The following COL23A1 variants were observed in gnomAD, a reference collection of about 807,000 sequenced individuals.
COL23A1 encodes collagen type XXIII alpha 1 chain.
A neutral mutation model predicts 99.3 loss-of-function variants in COL23A1; 97 were observed. The ratio of observed to expected loss-of-function variants is 0.98; its 90% CI spans 0.83 to 1.16. COL23A1 has a LOEUF of 1.16. COL23A1 is among the 50% of genes most tolerant of loss of function. The pLI, the probability that COL23A1 is intolerant of heterozygous loss-of-function variation, is 0.00. For synonymous variants in COL23A1, 320 were observed against 308.2 expected (o/e 1.04, Z -0.40); for missense variants, 762 against 757.4 (o/e 1.01, Z -0.07).
At chr5:178,517,564 T>TG (rs894658948) in intron 2 of COL23A1, among the ~76,000 whole-genome samples, 6 of 114,638 alleles carry the variant, frequency 5.2e-5, no homozygotes, top group Non-Finnish European at 7.5e-5. Flanking sequence ...GCAGTTTTTT[T>TG]TTTGTTTTTT....
At chr5:178,358,389 GTATGTGTA>G (rs1366915404) in intron 2 of COL23A1, among the ~76,000 whole-genome samples, 6 of 138,164 alleles carry the variant, frequency 4.3e-5, no homozygotes, top group African/African-American at 1.6e-4. Flanking sequence ...TCTAATGTGT[GTATGTGTA>G]TGTGTATGTG....
intron 2 of COL23A1, among the ~76,000 whole-genome samples, chr5:178,324,900 A>G (rs1197488747): frequency 6.6e-6 from 1 of 151,846 alleles, no homozygotes; most frequent in Non-Finnish European, 1.5e-5. Context: ...GTTCCTGCCC[A>G]CCCCTCCAGA....
intron 2 of COL23A1, among the ~76,000 whole-genome samples, chr5:178,351,743 G>A (rs939649398): frequency 2.6e-5 from 4 of 152,048 alleles, no homozygotes; most frequent in Non-Finnish European, 5.9e-5. Flanking sequence ...GGGACTAATT[G>A]TGCCCCCCCA....
intron 1 of COL23A1, among the ~76,000 whole-genome samples, chr5:178,570,440 G>C (rs1326966711): frequency 6.6e-6 from 1 of 151,854 alleles, no homozygotes; most frequent in African/African-American, 2.4e-5. Context: ...AATGTACTGT[G>C]GTTATGTACA....
chr5:178,441,985 C>T (rs887739313), intron 2 of COL23A1, among the ~76,000 whole-genome samples: 1 of 152,120 alleles, frequency 6.6e-6, no homozygotes, highest in African/African-American at 2.4e-5. Flanking sequence ...AGTTTCCCTG[C>T]CCCAAATCCT....
At chr5:178,352,939 A>T (rs1299559334) in intron 2 of COL23A1, among the ~76,000 whole-genome samples, 1 of 152,244 alleles carries the variant, frequency 6.6e-6, no homozygotes, top group Non-Finnish European at 1.5e-5. Flanking sequence ...CTGCTCTCAC[A>T]TACCATTGAA....
chr5:178,505,884 G>A (rs1758840625), intron 2 of COL23A1, among the ~76,000 whole-genome samples: 1 of 152,118 alleles, frequency 6.6e-6, no homozygotes. Context: ...GCCTGTCAGT[G>A]AGGGTGCAAA....
intron 2 of COL23A1, among the ~76,000 whole-genome samples, chr5:178,420,728 G>C (rs1003246702): frequency 7.9e-6 from 1 of 125,814 alleles, no homozygotes. Flanking sequence ...TCTGTCCTTC[G>C]GGCTACAGCA....
rs575652294 is a variant in COL23A1 at position 178,372,066 on chromosome 5, G to A, written c.362-65147C>T. On this transcript the variant is annotated intron_variant, in intron 2 of 28. Transcript: ENST00000390654. ...TGGTCTGCAGAGTGTTTTAAAACAC[G>A]GGAACTCATAGCCCAGAGTTAAAAA... Among the ~76,000 whole-genome samples the A allele has an allele frequency of 3.9e-5, 6 of 152,348 alleles. No homozygotes were observed. The East Asian group carries it at 1.2e-3, about 29-fold the overall frequency.
chr5:178,476,716 A>G (rs1250138406), intron 2 of COL23A1, among the ~76,000 whole-genome samples: 1 of 152,226 alleles, frequency 6.6e-6, no homozygotes, highest in Non-Finnish European at 1.5e-5. Flanking sequence ...CCTGTCAACA[A>G]CATGGGCGGG....
At chr5:178,437,796 C>T (rs1467451161) in intron 2 of COL23A1, among the ~76,000 whole-genome samples, 3 of 152,124 alleles carry the variant, frequency 2.0e-5, no homozygotes, top group African/African-American at 7.2e-5. Context: ...AGCCAAGATG[C>T]GGGAGTCAAG....
At chr5:178,441,383 T>C (rs1276068807) in intron 2 of COL23A1, among the ~76,000 whole-genome samples, 2 of 152,248 alleles carry the variant, frequency 1.3e-5, no homozygotes, top group East Asian at 3.9e-4. Flanking sequence ...AAAATAATAA[T>C]TCAAATCTAA....
rs191160232 is a variant in COL23A1, at chr5:178,567,432, G to A, written c.295-6684C>T. On this transcript the variant is annotated intron_variant, in intron 1 of 28. Coordinates refer to ENST00000390654, the MANE Select transcript of COL23A1 (RefSeq NM_173465.4). The stretch of plus-strand genomic sequence containing the variant: ...AAAGGGGTTGGGGTCAGGGGCACTC[G>A]TCAAAGAAACATAAGAACCAACCTG... Among the ~76,000 whole-genome samples the A allele has an allele frequency of 4.1e-4, 63 of 152,252 alleles. 1 individual carries two copies. The highest frequency in any genetic ancestry group is 7.9e-4 in the Admixed American group (12 of 15,286).
At chr5:178,287,432 G>T (rs1359100572) in intron 5 of COL23A1, among the ~76,000 whole-genome samples, 2 of 152,214 alleles carry the variant, frequency 1.3e-5, no homozygotes, top group Non-Finnish European at 2.9e-5. Context: ...TCACAGAGCA[G>T]GAAATTGAAG....
intron 2 of COL23A1, among the ~76,000 whole-genome samples, chr5:178,352,412 A>C (rs1488892569): frequency 6.6e-6 from 1 of 152,378 alleles, no homozygotes; most frequent in East Asian, 1.9e-4. Flanking sequence ...TCTGCTGAAG[A>C]ATGAACGTGG....
rs1472953855 is a variant in COL23A1 at position 178,563,525 on chromosome 5, A to AC, written c.295-2778dup. 1.2e-4 allele frequency among the ~76,000 whole-genome samples: 6 copies of AC among 51,072 alleles called. No homozygotes were observed. In the East Asian group the frequency reaches 2.8e-3, roughly 24 times the overall value. 33.5% of individuals were successfully genotyped at this position (51,072 alleles called of 152,430 possible). On this transcript the variant is annotated intron_variant, in intron 1 of 28. Transcript: ENST00000390654. ...ACCCTTGAGCCGGACCTCAGAACTCACTTTTTTTTTTTTTTTTTTTTTTTG... is the reference window on the plus strand; with the variant it reads ...ACCCTTGAGCCGGACCTCAGAACTCACCTTTTTTTTTTTTTTTTTTTTTTTG...
chr5:178,346,556 TAAAC>T (rs2127670572), intron 2 of COL23A1, among the ~76,000 whole-genome samples: 1 of 152,302 alleles, frequency 6.6e-6, no homozygotes, highest in East Asian at 1.9e-4. Flanking sequence ...CTTTTGAAGT[TAAAC>T]AGACATATGT....
chr5:178,426,574 G>A (rs1039959098), intron 2 of COL23A1, among the ~76,000 whole-genome samples: 2 of 152,140 alleles, frequency 1.3e-5, no homozygotes, highest in Non-Finnish European at 2.9e-5. Context: ...TAGATGAGCC[G>A]CCAGAAGTGG....
intron 5 of COL23A1, among the ~76,000 whole-genome samples, chr5:178,272,949 A>G (rs1450787401): frequency 6.6e-6 from 1 of 152,050 alleles, no homozygotes; most frequent in East Asian, 1.9e-4. Context: ...TCCCCATCTT[A>G]CGGAGAAGGA....
Sources: gnomAD v4.1 joint callset for allele counts (sites outside exome capture counted in the v4.1 genomes callset) on GRCh38, gnomAD v4.1.1 for gene constraint, MANE v1.5 for transcripts, NCBI Gene and HGNC (gene_info 2026-07-23, HGNC 2026-07-21) for gene names.